The following PDS5B variants were observed in gnomAD, a reference collection of about 807,000 sequenced individuals.
PDS5B encodes sister chromatid cohesion protein PDS5 homolog B.
PDS5B carries 51 observed loss-of-function variants against 184.1 expected under a neutral mutation model. That is an observed-to-expected ratio of 0.28 (90% CI 0.22 to 0.35). The LOEUF (loss-of-function observed/expected upper bound fraction) is 0.35. Ranked by LOEUF, PDS5B falls within the 10% of genes least tolerant of loss-of-function variation. PDS5B has a pLI of 1.00. For missense variants in PDS5B, 1,180 were observed against 1,723.3 expected (o/e 0.68, Z 5.58); for synonymous variants, 566 against 569.2 (o/e 0.99, Z 0.08).
chr13:32,675,590 A>G (rs907104446), intron 8 of PDS5B, among the ~76,000 whole-genome samples: 5 of 152,220 alleles, frequency 3.3e-5, no homozygotes, highest in African/African-American at 9.6e-5. Flanking sequence ...GGGGCCTCTA[A>G]CATTGGAACA....
intron 26 of PDS5B, among the ~76,000 whole-genome samples, 161 bp from the exon 27 acceptor site, chr13:32,757,926 A>G (rs971165474): frequency 1.3e-5 from 2 of 149,152 alleles, no homozygotes; most frequent in Admixed American, 6.7e-5. Flanking sequence ...TTTGTATGAC[A>G]TATTCTTTTT....
intron 1 of PDS5B, among the ~76,000 whole-genome samples, chr13:32,635,170 GTTTTT>G (rs71071054): frequency 9.9e-5 from 8 of 81,110 alleles, no homozygotes; most frequent in Non-Finnish European, 1.8e-4. Flanking sequence ...AGCCAATTAC[GTTTTT>G]TTTTTTTTTT....
At position 32,775,178 on chromosome 13, in the gene PDS5B, G is replaced by C; in HGVS notation, c.*126G>C. The stretch of plus-strand genomic sequence containing the variant: ...TGGGACTGCTGAAGAGTGGACAGTT[G>C]GACCTTACTTTGGTGACCCCATACA... On this transcript the variant is annotated 3_prime_UTR_variant, in exon 35 of 35. Transcript: ENST00000315596. The C allele has an allele frequency of 3.8e-6, 3 of 784,240 alleles. No individual in the cohort carries two copies. The highest frequency in any genetic ancestry group is 6.2e-6 in the Non-Finnish European group (3 of 484,916). The allele number at this position is 784,240 out of a possible 1,614,324, so 48.6% of individuals were successfully genotyped here.
Position 32,667,001 on chromosome 13 carries a change from A to G in PDS5B, c.625-763A>G, listed in dbSNP as rs569913930. ...TAGGACAATCAGTAAAGAATCTAGT[A>G]TATCTAAACAGCAGTTAGTATGAAT... On this transcript the variant is annotated intron_variant, in intron 6 of 34. Coordinates refer to ENST00000315596, the MANE Select transcript of PDS5B (RefSeq NM_015032.4). Among the ~76,000 whole-genome samples the G allele has an allele frequency of 9.8e-5, 15 of 152,340 alleles. No homozygotes were observed. The East Asian group carries it at 1.5e-3, about 16-fold the overall frequency.
chr13:32,601,851 T>TG (rs773924719), intron 1 of PDS5B, among the ~76,000 whole-genome samples: 55 of 152,242 alleles, frequency 3.6e-4, no homozygotes, highest in Non-Finnish European at 5.0e-4. Flanking sequence ...GTTTTAGAGA[T>TG]GGCACATACA....
intron 31 of PDS5B, among the ~76,000 whole-genome samples, chr13:32,768,990 G>A (rs1261080615): frequency 8.2e-5 from 12 of 146,438 alleles, no homozygotes; most frequent in African/African-American, 3.0e-4. Context: ...CGTGGTTGCA[G>A]ACACCTGTAG....
At chr13:32,648,545 G>A (rs1244283246) in intron 1 of PDS5B, among the ~76,000 whole-genome samples, 2 of 152,062 alleles carry the variant, frequency 1.3e-5, no homozygotes, top group African/African-American at 4.8e-5. Context: ...GCTTGCCACT[G>A]AGGAAATGAA....
intron 21 of PDS5B, 57 bp from the exon 22 acceptor site, chr13:32,741,023 A>C (rs1428169277): frequency 2.0e-6 from 2 of 1,000,484 alleles, no homozygotes; most frequent in South Asian, 2.7e-5. Context: ...AATTGAAAAG[A>C]ATTCATATTT....
At chr13:32,649,558 T>A (rs1009792615) in intron 2 of PDS5B, 1 of 152,208 alleles carries the variant, frequency 6.6e-6, no homozygotes, top group African/African-American at 2.4e-5. Flanking sequence ...TAGATATTTA[T>A]GTTGCTTGAT....
At chr13:32,750,233 T>C (rs1482264073) in intron 24 of PDS5B, among the ~76,000 whole-genome samples, 5 of 152,180 alleles carry the variant, frequency 3.3e-5, no homozygotes, top group East Asian at 1.9e-4. Flanking sequence ...AGGATTGACA[T>C]TGCAATTAAT....
chr13:32,747,594 A>AG (rs1822383704), intron 24 of PDS5B, among the ~76,000 whole-genome samples: 1 of 152,030 alleles, frequency 6.6e-6, no homozygotes, highest in Non-Finnish European at 1.5e-5. Context: ...CTCAAAAAAA[A>AG]AAAAAAAAAA....
At chr13:32,747,148 C>A (rs936558684) in intron 24 of PDS5B, among the ~76,000 whole-genome samples, 2 of 152,148 alleles carry the variant, frequency 1.3e-5, no homozygotes, top group African/African-American at 4.8e-5. Context: ...TTGGGCTGTA[C>A]CGCTTTAGAA....
chr13:32,645,616 T>A (rs1453521144), intron 1 of PDS5B, among the ~76,000 whole-genome samples: 2 of 152,248 alleles, frequency 1.3e-5, no homozygotes, highest in Non-Finnish European at 2.9e-5. Context: ...TTTGACTTTG[T>A]TGATCCTACG....
At chr13:32,699,457 C>T (rs560752237) in intron 15 of PDS5B, among the ~76,000 whole-genome samples, 234 of 152,180 alleles carry the variant, frequency 1.5e-3, no homozygotes, top group Non-Finnish European at 2.8e-3. Flanking sequence ...CATTTGATGC[C>T]TTTAAATATT....
intron 8 of PDS5B, among the ~76,000 whole-genome samples, chr13:32,673,888 T>C (rs1950999712): frequency 6.6e-6 from 1 of 152,162 alleles, no homozygotes; most frequent in Non-Finnish European, 1.5e-5. Flanking sequence ...TGATCTTGGC[T>C]CACTGCAACC....
chr13:32,617,452 A>G (rs892342512), intron 1 of PDS5B, among the ~76,000 whole-genome samples: 1 of 152,244 alleles, frequency 6.6e-6, no homozygotes, highest in African/African-American at 2.4e-5. Flanking sequence ...ATTGGAAAGG[A>G]AGAGACCACT....
intron 22 of PDS5B, among the ~76,000 whole-genome samples, chr13:32,742,268 A>T (rs891037293): frequency 1.3e-5 from 2 of 152,200 alleles, no homozygotes; most frequent in Non-Finnish European, 2.9e-5. Context: ...ATTAAATGTA[A>T]TTTGTAGTTG....
intron 7 of PDS5B, among the ~76,000 whole-genome samples, chr13:32,672,756 T>C (rs931001781): frequency 6.6e-6 from 1 of 152,200 alleles, no homozygotes; most frequent in African/African-American, 2.4e-5. Context: ...CCAGCCTATT[T>C]GGATGATGCC....
chr13:32,712,609 C>T (rs1399518843), intron 19 of PDS5B, among the ~76,000 whole-genome samples: 1 of 152,136 alleles, frequency 6.6e-6, no homozygotes, highest in East Asian at 1.9e-4. Flanking sequence ...ACCAGATGTG[C>T]CCTTAAGACT....
Sources: allele counts gnomAD v4.1 joint callset (sites outside exome capture counted in the v4.1 genomes callset), GRCh38; gene constraint gnomAD v4.1.1; transcripts MANE v1.5; gene names NCBI Gene and HGNC (gene_info 2026-07-23, HGNC 2026-07-21).